TRMT9B: variants seen among roughly 807,000 people sequenced by gnomAD.
The protein encoded by TRMT9B is tRNA methyltransferase 9B (putative).
A neutral mutation model predicts 11.5 loss-of-function variants in TRMT9B; 16 were observed. The observed-to-expected ratio is 1.39, with a 90% CI of 0.94 to 2.11. The LOEUF is 2.11. TRMT9B is among the 30% of genes most tolerant of loss of function. The pLI, the probability that TRMT9B is intolerant of heterozygous loss-of-function variation, is 0.00. For synonymous variants in TRMT9B, 274 were observed against 192.4 expected (o/e 1.42, Z -3.51); for missense variants, 941 against 553.8 (o/e 1.70, Z -7.02).
At position 13,010,982 on chromosome 8, in the gene TRMT9B, G is replaced by C. The variant is rs553590045; in HGVS notation, c.155-1702G>C. 64 of 901,542 alleles carry C rather than the reference G, an allele frequency of 7.1e-5. No homozygotes were observed. In the South Asian group the frequency reaches 2.9e-3, roughly 41 times the overall value. 55.8% of individuals were successfully genotyped at this position (901,542 alleles called of 1,614,324 possible). On this transcript the variant is annotated intron_variant, in intron 3 of 4. Coordinates refer to ENST00000524591, the MANE Select transcript of TRMT9B (RefSeq NM_020844.3). ...ACGTAGAAATAATAATCCTGGAATT[G>C]TTTTCTTTTTCTTTTTTGAGACAAA...
intron 1 of TRMT9B, among the ~76,000 whole-genome samples, chr8:12,948,820 C>T (rs542654864): frequency 2.6e-5 from 4 of 152,156 alleles, no homozygotes; most frequent in African/African-American, 7.2e-5. Context: ...CTTAGCCGGG[C>T]ATGGTGGCAG....
At chr8:12,961,039 G>T (rs1041203143) in intron 1 of TRMT9B, among the ~76,000 whole-genome samples, 1 of 152,248 alleles carries the variant, frequency 6.6e-6, no homozygotes, top group African/African-American at 2.4e-5. Context: ...TACTCGGGAG[G>T]CTGAGGCAGG....
chr8:12,979,193 G>C (rs976743767), intron 1 of TRMT9B, among the ~76,000 whole-genome samples: 1 of 152,148 alleles, frequency 6.6e-6, no homozygotes, highest in Non-Finnish European at 1.5e-5. Flanking sequence ...ACCTAGTGCT[G>C]CATCCAAAAA....
chr8:12,981,816 C>G (rs1309383153), intron 1 of TRMT9B, among the ~76,000 whole-genome samples: 1 of 152,202 alleles, frequency 6.6e-6, no homozygotes, highest in South Asian at 2.1e-4. Flanking sequence ...CCAGGCTTAT[C>G]TCAAACATCT....
rs745464929 is a variant in TRMT9B at position 13,021,260 on chromosome 8, G to T, written c.581G>T (p.Cys194Phe). The T allele has an allele frequency of 3.7e-6, 6 of 1,613,878 alleles. No homozygotes were observed. In the African/African-American group the frequency reaches 5.3e-5, roughly 14 times the overall value. Residue 194 changes from cysteine to phenylalanine, a missense_variant, in exon 5 of 5, where the codon TGC (cysteine) becomes TTC (phenylalanine). By Grantham distance (205) the Cys-to-Phe change is radical. Transcript: ENST00000524591. Reference protein sequence around the residue: ...PERGHPYHPPCSECSCSVCFK... With the variant: ...PERGHPYHPPFSECSCSVCFK... ...AGAGGCCATCCCTACCATCCTCCTT[G>T]CTCTGAGTGTAGCTGTTCTGTTTGT...
chr8:12,990,938 A>G lies in TRMT9B; in HGVS notation c.-95A>G. 2 of 1,289,288 alleles carry G rather than the reference A, an allele frequency of 1.6e-6. No homozygotes were observed. Among genetic ancestry groups the G allele is most frequent in the Non-Finnish European group, 2.0e-6 (2 of 988,496 alleles). 79.9% of individuals were successfully genotyped at this position (1,289,288 alleles called of 1,614,324 possible). On this transcript the variant is annotated 5_prime_UTR_variant, in exon 2 of 5. Transcript: ENST00000524591. The stretch of plus-strand genomic sequence containing the variant: ...TTTCATTTACGTTACACATTGAGAA[A>G]GTTATGAGAAGCAACTGTCACTCTC...
chr8:12,947,713 C>A (rs971179331), intron 1 of TRMT9B, among the ~76,000 whole-genome samples: 4 of 152,226 alleles, frequency 2.6e-5, no homozygotes, highest in African/African-American at 9.6e-5. Context: ...GAATTCCTTA[C>A]TTAAATGCCA....
chr8:12,979,130 C>A (rs776266862), intron 1 of TRMT9B, among the ~76,000 whole-genome samples: 2 of 152,050 alleles, frequency 1.3e-5, no homozygotes, highest in Non-Finnish European at 2.9e-5. Flanking sequence ...CTCCCTCTGG[C>A]GGGGGAATGG....
chr8:13,000,692 T>A (rs1384284144), intron 2 of TRMT9B, among the ~76,000 whole-genome samples: 1 of 152,232 alleles, frequency 6.6e-6, no homozygotes, highest in Non-Finnish European at 1.5e-5. Context: ...TACAAGTTGC[T>A]TGAAAAGTAG....
intron 2 of TRMT9B, among the ~76,000 whole-genome samples, chr8:12,997,972 C>G (rs1014360220): frequency 6.6e-6 from 1 of 152,100 alleles, no homozygotes; most frequent in African/African-American, 2.4e-5. Flanking sequence ...CCTATTGTGG[C>G]TTAAATTTGC....
Position 13,022,049 on chromosome 8 carries a change from A to C in TRMT9B, c.*5A>C. 6.4e-7 allele frequency: 1 copy of C among 1,556,248 alleles called. No homozygotes were observed. The highest frequency in any genetic ancestry group is 1.2e-5 in the South Asian group (1 of 80,048). On this transcript the variant is annotated 3_prime_UTR_variant, in exon 5 of 5. Coordinates refer to ENST00000524591, the MANE Select transcript of TRMT9B (RefSeq NM_020844.3). ...AAAAAGAGAGGTTGTGATTGATTGG[A>C]TCCTTTTAGACAACTCCTCCAAAAG...
chr8:12,952,960 G>A (rs1396543330), intron 1 of TRMT9B, among the ~76,000 whole-genome samples: 1 of 152,142 alleles, frequency 6.6e-6, no homozygotes, highest in African/African-American at 2.4e-5. Context: ...GGCTGGTCTG[G>A]AACTCCTGAC....
rs185577510 is a variant in TRMT9B at position 12,993,139 on chromosome 8, C to T, written c.-2+2108C>T. 5.3e-5 allele frequency among the ~76,000 whole-genome samples: 8 copies of T among 152,234 alleles called. No individual in the cohort carries two copies. In the East Asian group the frequency reaches 7.7e-4, roughly 15 times the overall value. ...GAGAGTCTGAGGTACTGTCGTTGCA[C>T]GATATAAGACTGCAAAGTGGACTGG... On this transcript the variant is annotated intron_variant, in intron 2 of 4. Transcript: ENST00000524591.
At chr8:13,003,470 T>C in intron 2 of TRMT9B, among the ~76,000 whole-genome samples, 1 of 152,090 alleles carries the variant, frequency 6.6e-6, no homozygotes, top group East Asian at 1.9e-4. Context: ...TTTCCAAGAA[T>C]GACTAGAATT....
At position 13,015,092 on chromosome 8, in the gene TRMT9B, A is replaced by AATAT. The variant is rs1239021503; in HGVS notation, c.328+2238_328+2239insTATA. On this transcript the variant is annotated intron_variant, in intron 4 of 4. Transcript: ENST00000524591. ...AAATAAATAAATAAATAAATAAATA[A>AATAT]ATAAATAAAATAAAAAGTCAAAGAA... Among the ~76,000 whole-genome samples the AATAT allele has an allele frequency of 7.3e-5, 11 of 151,576 alleles. No homozygotes were observed. The East Asian group carries it at 1.9e-3, about 27-fold the overall frequency.
chr8:12,982,709 T>G (rs1805617701), intron 1 of TRMT9B, among the ~76,000 whole-genome samples: 1 of 152,132 alleles, frequency 6.6e-6, no homozygotes, highest in Non-Finnish European at 1.5e-5. Context: ...ATTTTTTTAG[T>G]ACAGGTTGGA....
intron 1 of TRMT9B, among the ~76,000 whole-genome samples, chr8:12,965,061 GA>G (rs1332645551): frequency 1.3e-5 from 2 of 152,182 alleles, no homozygotes; most frequent in Non-Finnish European, 2.9e-5. Context: ...GCTGCCACAG[GA>G]AAGCTTAAAA....
chr8:12,993,581 G>A (rs531147538), intron 2 of TRMT9B, among the ~76,000 whole-genome samples: 2 of 152,300 alleles, frequency 1.3e-5, no homozygotes, highest in South Asian at 4.1e-4. Context: ...ACTAGGGGAT[G>A]GCAGTACAAA....
intron 2 of TRMT9B, among the ~76,000 whole-genome samples, chr8:13,001,724 G>C (rs999903240): frequency 2.7e-5 from 4 of 145,594 alleles, no homozygotes; most frequent in African/African-American, 9.7e-5. Flanking sequence ...TTTTCTCCAA[G>C]ATTTTTCAAA....
Sources: gnomAD v4.1 joint callset for allele counts (sites outside exome capture counted in the v4.1 genomes callset) on GRCh38, gnomAD v4.1.1 for gene constraint, MANE v1.5 for transcripts, NCBI Gene and HGNC (gene_info 2026-07-23, HGNC 2026-07-21) for gene names.